The following SH2D4B variants were observed in gnomAD, a reference collection of about 807,000 sequenced individuals.
The protein encoded by SH2D4B is SH2 domain-containing protein 4B.
In SH2D4B, 45 loss-of-function variants were observed where a neutral mutation model predicts 61.5. The observed-to-expected ratio is 0.73, with a 90% CI of 0.58 to 0.94. SH2D4B has a LOEUF of 0.94. Ranked by LOEUF, SH2D4B falls within the 40% of genes least tolerant of loss-of-function variation. The pLI, the probability that SH2D4B is intolerant of heterozygous loss-of-function variation, is 0.00. For missense variants in SH2D4B, 572 were observed against 574.2 expected, an observed-to-expected ratio of 1.00 and a Z score of 0.04; for synonymous variants, 224 against 220.4, an observed-to-expected ratio of 1.02 and a Z score of -0.14.
intron 4 of SH2D4B, among the ~76,000 whole-genome samples, chr10:80,592,151 A>G (rs1842335800): frequency 6.6e-6 from 1 of 152,194 alleles, no homozygotes; most frequent in African/African-American, 2.4e-5. Flanking sequence ...ATGATGTTGA[A>G]CATTTTAAAA....
At chr10:80,568,161 C>G (rs1476803056) in intron 1 of SH2D4B, among the ~76,000 whole-genome samples, 1 of 151,338 alleles carries the variant, frequency 6.6e-6, no homozygotes, top group African/African-American at 2.4e-5. Context: ...AATGAGAGAT[C>G]ACGTTCTTAA....
chr10:80,602,467 A>AATGAATAT (rs1180315997), intron 4 of SH2D4B, among the ~76,000 whole-genome samples: 3 of 152,208 alleles, frequency 2.0e-5, no homozygotes, highest in Non-Finnish European at 2.9e-5. Context: ...TATCTCAAAA[A>AATGAATAT]ATGAATATAT....
At chr10:80,611,690 G>A (rs1842602677) in intron 6 of SH2D4B, among the ~76,000 whole-genome samples, 1 of 152,200 alleles carries the variant, frequency 6.6e-6, no homozygotes, top group South Asian at 2.1e-4. Context: ...GGTGAGAGTG[G>A]GCAGCTGTGC....
chr10:80,566,090 CAAAAAAAAAAAAAA>C (rs60774703), intron 1 of SH2D4B, among the ~76,000 whole-genome samples: 11 of 23,806 alleles, frequency 4.6e-4, no homozygotes, highest in African/African-American at 8.6e-4. Context: ...GACTCCGGCT[CAAAAAAAAAAAAAA>C]AAAAAAAAAA....
At chr10:80,551,146 G>A (rs188474367) in intron 1 of SH2D4B, among the ~76,000 whole-genome samples, 11 of 152,186 alleles carry the variant, frequency 7.2e-5, no homozygotes, top group Admixed American at 2.0e-4. Flanking sequence ...TCTACCTCCC[G>A]GGCTCACGCC....
Position 80,634,248 on chromosome 10 carries a change from C to T in SH2D4B, c.989-37C>T, listed in dbSNP as rs1016160554. The T allele has an allele frequency of 6.7e-6, 10 of 1,483,300 alleles. No homozygotes were observed. The African/African-American group carries it at 1.4e-4, about 21-fold the overall frequency. 91.9% of individuals were successfully genotyped at this position (1,483,300 alleles called of 1,614,324 possible). On this transcript the variant is annotated intron_variant, in intron 6 of 7. Coordinates refer to ENST00000646907, the MANE Select transcript of SH2D4B (RefSeq NM_001388272.1). Reference sequence around the variant, plus strand: ...ATCGTGGGGGAGGCAGTCGCAGAACCTGCTGTGTTTTTTTGTTTTTTTCTA... The same window carrying T: ...ATCGTGGGGGAGGCAGTCGCAGAACTTGCTGTGTTTTTTTGTTTTTTTCTA...
At chr10:80,563,369 T>C (rs569319289) in intron 1 of SH2D4B, among the ~76,000 whole-genome samples, 2 of 152,350 alleles carry the variant, frequency 1.3e-5, no homozygotes, top group African/African-American at 2.4e-5. Flanking sequence ...GATGTATGGT[T>C]TGCAAATATT....
chr10:80,571,231 A>G (rs1448710099), intron 2 of SH2D4B, among the ~76,000 whole-genome samples, 200 bp from the exon 3 acceptor site: 1 of 152,162 alleles, frequency 6.6e-6, no homozygotes. Flanking sequence ...TGGGGTTTCT[A>G]GCATAGTTTT....
At chr10:80,540,770 G>A (rs1308001834) in intron 1 of SH2D4B, 1 of 1,514,640 alleles carries the variant, frequency 6.6e-7, no homozygotes, top group East Asian at 2.5e-5. Flanking sequence ...TGGGTAGATG[G>A]ATCATAGGGA....
At chr10:80,588,311 G>C (rs1281708127) in intron 3 of SH2D4B, among the ~76,000 whole-genome samples, 4 of 152,180 alleles carry the variant, frequency 2.6e-5, no homozygotes, top group Non-Finnish European at 4.4e-5. Context: ...TCATAGTCTG[G>C]TTGTGGTGAT....
In SH2D4B at chr10:80,644,958, T is replaced by C. The variant is rs189808682; in HGVS notation, c.*873T>C. On this transcript the variant is annotated 3_prime_UTR_variant, in exon 8 of 8. Transcript: ENST00000646907. ...CCTTGTCAACTTAATCTCAGTATGT[T>C]GCTTATATTAACAAGAAGACTCACG... The C allele has an allele frequency of 3.0e-4, 45 of 152,332 alleles. No individual in the cohort carries two copies. Among genetic ancestry groups the C allele is most frequent in the African/African-American group, 9.6e-4 (40 of 41,572 alleles). 9.4% of individuals were successfully genotyped at this position (152,332 alleles called of 1,614,324 possible).
intron 1 of SH2D4B, among the ~76,000 whole-genome samples, chr10:80,545,550 TACTCCC>T (rs1247274727): frequency 6.6e-6 from 1 of 152,116 alleles, no homozygotes; most frequent in African/African-American, 2.4e-5. Context: ...CGCTTTCTTC[TACTCCC>T]TCTCCTCTTG....
chr10:80,579,014 G>A (rs994381947), intron 3 of SH2D4B, among the ~76,000 whole-genome samples: 1 of 152,180 alleles, frequency 6.6e-6, no homozygotes, highest in Non-Finnish European at 1.5e-5. Flanking sequence ...GGGGAGCTGG[G>A]GAGGGTGTGC....
chr10:80,619,123 C>T (rs1349563224), intron 6 of SH2D4B, among the ~76,000 whole-genome samples: 1 of 152,070 alleles, frequency 6.6e-6, no homozygotes, highest in Admixed American at 6.6e-5. Flanking sequence ...GAAGGATGCA[C>T]CGGGATTTGT....
Position 80,540,913 on chromosome 10 carries a change from C to T in SH2D4B, c.184+2398C>T, listed in dbSNP as rs756634053. 52 of 1,551,034 alleles carry T rather than the reference C, an allele frequency of 3.4e-5. 1 individual carries two copies. The Middle Eastern group carries it at 2.0e-3, about 60-fold the overall frequency. ...CTTCCCTTGATGTTGCCAGAGGACT[C>T]AGGAGGCTCTCCAGATGCTGGTGAG... On this transcript the variant is annotated intron_variant, in intron 1 of 7. Transcript: ENST00000646907.
At chr10:80,550,601 A>G (rs1234298813) in intron 1 of SH2D4B, among the ~76,000 whole-genome samples, 1 of 152,178 alleles carries the variant, frequency 6.6e-6, no homozygotes. Flanking sequence ...CTCAAAAAAA[A>G]AGAGAAAGAC....
intron 2 of SH2D4B, among the ~76,000 whole-genome samples, chr10:80,571,164 C>T (rs1300609575): frequency 6.6e-6 from 1 of 152,188 alleles, no homozygotes; most frequent in Admixed American, 6.5e-5. Flanking sequence ...CATGCACCAC[C>T]ATGCCTAACC....
chr10:80,540,889 T>C (rs1175628265), intron 1 of SH2D4B: 1 of 1,551,672 alleles, frequency 6.4e-7, no homozygotes, highest in East Asian at 2.4e-5. Flanking sequence ...CTTCTCTTCC[T>C]TCCCTTGATG....
At chr10:80,551,926 G>T (rs1439035145) in intron 1 of SH2D4B, among the ~76,000 whole-genome samples, 1 of 152,192 alleles carries the variant, frequency 6.6e-6, no homozygotes, top group Admixed American at 6.5e-5. Context: ...AGCCAGCATG[G>T]TCAGGGGTCT....
Sources: gnomAD v4.1 joint callset for allele counts (sites outside exome capture counted in the v4.1 genomes callset) on GRCh38, gnomAD v4.1.1 for gene constraint, MANE v1.5 for transcripts, NCBI Gene and HGNC (gene_info 2026-07-23, HGNC 2026-07-21) for gene names.